RIPOR1: variants seen among roughly 807,000 people sequenced by gnomAD.
RIPOR1 encodes rho family-interacting cell polarization regulator 1.
In RIPOR1, 58 loss-of-function variants were observed where a neutral mutation model predicts 116.5. That is an observed-to-expected ratio of 0.50 (90% CI 0.40 to 0.62). The LOEUF (loss-of-function observed/expected upper bound fraction) is 0.62, where lower values mean the gene tolerates loss of function less well. Among genes scored for constraint, RIPOR1 ranks in the 20% least tolerant of loss-of-function variants. The probability of loss-of-function intolerance (pLI) is 0.00; values close to 1 mark genes in which losing one functional copy is unlikely to be tolerated. For missense variants in RIPOR1, 1,372 were observed against 1,586.2 expected (o/e 0.86, Z 2.29); for synonymous variants, 605 against 650.0 (o/e 0.93, Z 1.05).
At position 67,540,484 on chromosome 16, in the gene RIPOR1, G is replaced by A; in HGVS notation, c.658G>A (p.Val220Ile). Residue 220 changes from valine to isoleucine, a missense_variant, in exon 9 of 22, where the codon GTA becomes ATA. Transcript: ENST00000042381. This position sits in a 1 kb window ranked among gnomAD's most constrained non-coding sequence, Gnocchi z 4.7. ...KGLAGFARLC[V>I]GDQYEICMKY... ...GCTGGCTGGCTTCGCCAGGCTGTGT[G>A]TAGGCGATCAGTATGAGGTATGAGA... 2 of 1,614,192 alleles carry A rather than the reference G, an allele frequency of 1.2e-6. No individual in the cohort carries two copies. Among genetic ancestry groups the A allele is most frequent in the Non-Finnish European group, 1.7e-6 (2 of 1,180,022 alleles).
chr16:67,544,767 G>A lies in RIPOR1; in HGVS notation c.2806G>A (p.Val936Ile). 6.2e-7 allele frequency: 1 copy of A among 1,610,320 alleles called. No individual in the cohort carries two copies. Among genetic ancestry groups the A allele is most frequent in the Non-Finnish European group, 8.5e-7 (1 of 1,177,470 alleles). Residue 936 changes from valine (V) to isoleucine (I), a missense_variant, in exon 16 of 22, where the codon GTA becomes ATA. Val to Ile is a conservative substitution (Grantham distance 29, BLOSUM62 3). Around this residue, in one of 3 missense-constraint regions of RIPOR1, gnomAD observed 1,005 missense variants for 1,144.7 expected, o/e 0.88. Transcript: ENST00000042381. The surrounding 1 kb of genome is among the most constrained non-coding windows in gnomAD (Gnocchi z 5.1). ...ALERLLREAR[V>I]LEAVCEFSRR... Reference sequence around the variant, plus strand: ...GGAGCGGCTGCTGCGGGAAGCCCGAGTACTGGAGGCAGTATGCGAGTTCAG... The same window carrying A: ...GGAGCGGCTGCTGCGGGAAGCCCGAATACTGGAGGCAGTATGCGAGTTCAG...
Position 67,544,469 on chromosome 16 carries a change from C to A in RIPOR1, c.2733+38C>A, listed in dbSNP as rs774642617. The A allele has an allele frequency of 5.1e-6, 8 of 1,581,844 alleles. No homozygotes were observed. In the South Asian group the frequency reaches 5.6e-5, roughly 11 times the overall value. On this transcript the variant is annotated intron_variant, in intron 15 of 21. Transcript: ENST00000042381. This position sits in a 1 kb window ranked among gnomAD's most constrained non-coding sequence, Gnocchi z 5.1. The stretch of plus-strand genomic sequence containing the variant: ...GTGTTCCCCCACCCTTCCTTTGTAA[C>A]CCCTAACCCCAGGGAGTCCTGCCCT...
chr16:67,523,898 T>G (rs1055620618), upstream of RIPOR1, among the ~76,000 whole-genome samples: 6 of 152,032 alleles, frequency 3.9e-5, no homozygotes, highest in African/African-American at 1.4e-4. Flanking sequence ...GTCTGGTCTC[T>G]AACTCCTGGG....
At chr16:67,538,301 C>T (rs1186856838) in intron 1 of RIPOR1, 123 bp from the exon 2 acceptor site, 4 of 1,349,080 alleles carry the variant, frequency 3.0e-6, no homozygotes, top group Non-Finnish European at 4.0e-6. Flanking sequence ...CGGACCCGGC[C>T]GGAGCCCGCT....
intron 5 of RIPOR1, 40 bp from the exon 6 acceptor site, chr16:67,539,806 C>G (rs369358400): frequency 6.2e-7 from 1 of 1,614,180 alleles, no homozygotes; most frequent in Non-Finnish European, 8.5e-7. Flanking sequence ...AGGGTAAGGA[C>G]CCTGGGCCTC....
chr16:67,527,326 A>C (rs985213532), upstream of RIPOR1, among the ~76,000 whole-genome samples: 1 of 151,992 alleles, frequency 6.6e-6, no homozygotes, highest in Non-Finnish European at 1.5e-5. Context: ...CGGAGGTTGC[A>C]GTGAGCCGAG....
chr16:67,528,783 A>AGGGGCGGC (rs1352250919), upstream of RIPOR1: 16 of 5,148 alleles, frequency 3.1e-3, no homozygotes, highest in South Asian at 0.041. Context: ...GGGCCAGGGG[A>AGGGGCGGC]GGGGCGGCGG....
Position 67,545,278 on chromosome 16 carries a change from C to T in RIPOR1, c.3032-98C>T, listed in dbSNP as rs2051128441. ...AGGACCCAGATGGGTGGGGTTTGAA[C>T]AGGGGGCCCCTGGACCTGAGCCTGG... On this transcript the variant is annotated intron_variant, in intron 17 of 21. Transcript: ENST00000042381. The surrounding 1 kb of genome is among the most constrained non-coding windows in gnomAD (Gnocchi z 4.8). 1.3e-6 allele frequency: 2 copies of T among 1,537,056 alleles called. No individual in the cohort carries two copies. Among genetic ancestry groups the T allele is most frequent in the African/African-American group, 2.7e-5 (2 of 72,904 alleles).
At chr16:67,527,093 A>G (rs2050546628), upstream of RIPOR1, among the ~76,000 whole-genome samples, 2 of 152,230 alleles carry the variant, frequency 1.3e-5, no homozygotes, top group African/African-American at 2.4e-5. Flanking sequence ...AGAAGAACTC[A>G]GCCCCTGGAA....
rs983786516 is a variant in RIPOR1, at chr16:67,537,096, G to A, written c.-23-1328G>A. 6.6e-6 allele frequency among the ~76,000 whole-genome samples: 1 copy of A among 152,096 alleles called. No individual in the cohort carries two copies. Among genetic ancestry groups the A allele is most frequent in the Non-Finnish European group, 1.5e-5 (1 of 68,008 alleles). On this transcript the variant is annotated intron_variant, in intron 1 of 21. Coordinates refer to ENST00000042381, the MANE Select transcript of RIPOR1 (RefSeq NM_024519.4). The surrounding 1 kb of genome is among the most constrained non-coding windows in gnomAD (Gnocchi z 4.6). ...TGTCCGGCTAATTTTTGTATTTTTAGTAGAGACGGGGTTTCACCTTGTTGG... is the reference window on the plus strand; with the variant it reads ...TGTCCGGCTAATTTTTGTATTTTTAATAGAGACGGGGTTTCACCTTGTTGG...
Position 67,543,789 on chromosome 16 carries a change from A to T in RIPOR1, c.2600+320A>T. 2.3e-6 allele frequency: 1 copy of T among 432,588 alleles called. No homozygotes were observed. Among genetic ancestry groups the T allele is most frequent in the Admixed American group, 3.6e-5 (1 of 27,938 alleles). 26.8% of individuals were successfully genotyped at this position (432,588 alleles called of 1,614,324 possible). A position where few individuals can be genotyped will look rare whatever the true frequency, so the allele number is the denominator to read the frequency against. On this transcript the variant is annotated intron_variant, in intron 14 of 21. Transcript: ENST00000042381. The surrounding 1 kb of genome is among the most constrained non-coding windows in gnomAD (Gnocchi z 4.7). ...AGCCCCTCCTCTTCCCCTTGGCCTC[A>T]CCTTGGACCTGCCCTTTAAGGAGCT...
At position 67,528,846 on chromosome 16, in the gene RIPOR1, C is replaced by A; in HGVS notation, c.-92C>A. On this transcript the variant is annotated 5_prime_UTR_variant, in exon 1 of 22. Coordinates refer to ENST00000042381, the MANE Select transcript of RIPOR1 (RefSeq NM_024519.4). ...CCTGCGGCGGCGACAGCGGCAGCTGCGGCGCGACCAGGCCGGGCACCTCCG... is the reference window on the plus strand; with the variant it reads ...CCTGCGGCGGCGACAGCGGCAGCTGAGGCGCGACCAGGCCGGGCACCTCCG... 1 of 160,276 alleles carries A rather than the reference C, an allele frequency of 6.2e-6. No individual in the cohort carries two copies. Among genetic ancestry groups the A allele is most frequent in the South Asian group, 1.5e-4 (1 of 6,816 alleles). The allele number at this position is 160,276 out of a possible 1,614,324, so 9.9% of individuals were successfully genotyped here. A position where few individuals can be genotyped will look rare whatever the true frequency, so the allele number is the denominator to read the frequency against.
At position 67,541,601 on chromosome 16, in the gene RIPOR1, G is replaced by A. The variant is rs373348412; in HGVS notation, c.950+23G>A. 3 of 1,614,008 alleles carry A rather than the reference G, an allele frequency of 1.9e-6. No homozygotes were observed. Among genetic ancestry groups the A allele is most frequent in the South Asian group, 1.1e-5 (1 of 91,080 alleles). ...GAGGTTGGTGGGGCTGAGAGGCTTG[G>A]AGGAGGGCCAGGAGGGCTGTGGCAC... On this transcript the variant is annotated intron_variant, in intron 11 of 21. Transcript: ENST00000042381. This position sits in a 1 kb window ranked among gnomAD's most constrained non-coding sequence, Gnocchi z 4.6.
chr16:67,544,924 T>A lies in RIPOR1; in HGVS notation c.2870-32T>A. The stretch of plus-strand genomic sequence containing the variant: ...CATGCTCTCTACTCACCTGCCTGCC[T>A]GTTGCTGACGGTTTCCCTCACCCCC... On this transcript the variant is annotated intron_variant, in intron 16 of 21. Transcript: ENST00000042381. This position sits in a 1 kb window ranked among gnomAD's most constrained non-coding sequence, Gnocchi z 5.1. 1.2e-6 allele frequency: 2 copies of A among 1,608,590 alleles called. No individual in the cohort carries two copies. Among genetic ancestry groups the A allele is most frequent in the Non-Finnish European group, 1.7e-6 (2 of 1,178,226 alleles).
In RIPOR1 at chr16:67,537,772, C is replaced by A. The variant is rs1185686982; in HGVS notation, c.-23-652C>A. ...CCGTGACTCAGTTTCCAGGTGGGAG[C>A]CTCAGGAAAGAGGAGGGGGCGGGGC... On this transcript the variant is annotated intron_variant, in intron 1 of 21. Coordinates refer to ENST00000042381, the MANE Select transcript of RIPOR1 (RefSeq NM_024519.4). This position sits in a 1 kb window ranked among gnomAD's most constrained non-coding sequence, Gnocchi z 4.6. Among the ~76,000 whole-genome samples the A allele has an allele frequency of 6.6e-6, 1 of 152,128 alleles. No individual in the cohort carries two copies. Among genetic ancestry groups the A allele is most frequent in the East Asian group, 1.9e-4 (1 of 5,138 alleles).
chr16:67,520,237 C>G (rs771155727), intron 1 of RIPOR1, among the ~76,000 whole-genome samples: 1 of 151,154 alleles, frequency 6.6e-6, no homozygotes, highest in Non-Finnish European at 1.5e-5. Context: ...AAAATTTAGC[C>G]GGGCATGGTT....
intron 1 of RIPOR1, 47 bp from the exon 2 acceptor site, chr16:67,538,377 G>A: frequency 6.6e-7 from 1 of 1,524,796 alleles, no homozygotes; most frequent in Non-Finnish European, 8.9e-7. Flanking sequence ...GTGGGAGAGG[G>A]CTTCGGGGAT....
Position 67,540,593 on chromosome 16 carries a change from T to C in RIPOR1, c.690T>C (p.Tyr230=), listed in dbSNP as rs747963585. ...TGTTCCCCCAGATCTGCATGAAATATGGGCGTCAGCGCTGGAAACTACGGG... is the reference window on the plus strand; with the variant it reads ...TGTTCCCCCAGATCTGCATGAAATACGGGCGTCAGCGCTGGAAACTACGGG... ...VGDQYEICMK[Y]GRQRWKLRGR... is the part of the protein sequence containing the mutation. The change falls in exon 10 of 22, where the codon TAT becomes TAC. Residue 230 remains tyrosine, a synonymous_variant. Coordinates refer to ENST00000042381, the MANE Select transcript of RIPOR1 (RefSeq NM_024519.4). This position sits in a 1 kb window ranked among gnomAD's most constrained non-coding sequence, Gnocchi z 4.7. 6.2e-7 allele frequency: 1 copy of C among 1,613,850 alleles called. No homozygotes were observed. The highest frequency in any genetic ancestry group is 1.3e-5 in the African/African-American group (1 of 74,902).
chr16:67,532,548 A>G (rs1395360482), intron 1 of RIPOR1, among the ~76,000 whole-genome samples: 3 of 152,028 alleles, frequency 2.0e-5, no homozygotes, highest in Non-Finnish European at 4.4e-5. Context: ...AACACTTCCT[A>G]TAGAGGGACA....
Sources: gnomAD v4.1 joint callset for allele counts (sites outside exome capture counted in the v4.1 genomes callset) on GRCh38, gnomAD v4.1.1 for gene constraint, gnomAD v4.1.1 regional missense constraint, Gnocchi (gnomAD v3.1) non-coding constraint, MANE v1.5 for transcripts, NCBI Gene and HGNC (gene_info 2026-07-23, HGNC 2026-07-21) for gene names.